ARFIP1: variants seen among roughly 807,000 people sequenced by gnomAD.
ARFIP1 encodes arfaptin-1.
Under a neutral mutation model 42.5 loss-of-function variants are expected in ARFIP1, and 24 were observed. That is an observed-to-expected ratio of 0.57 (90% CI 0.41 to 0.80). ARFIP1 has a LOEUF of 0.80. Ranked by LOEUF, ARFIP1 falls within the 30% of genes least tolerant of loss-of-function variation. The pLI is 0.00. For synonymous variants in ARFIP1, 141 were observed against 153.7 expected, an observed-to-expected ratio of 0.92 and a Z score of 0.61; for missense variants, 354 against 434.0, an observed-to-expected ratio of 0.82 and a Z score of 1.64.
chr4:152,804,722 C>G (rs915457278), intron 1 of ARFIP1, among the ~76,000 whole-genome samples: 1 of 150,762 alleles, frequency 6.6e-6, no homozygotes, highest in African/African-American at 2.4e-5. Context: ...GTACCTAGGT[C>G]AGAGATTTGT....
At chr4:152,880,291 C>T (rs1413771995) in intron 5 of ARFIP1, among the ~76,000 whole-genome samples, 4 of 151,092 alleles carry the variant, frequency 2.6e-5, no homozygotes, top group East Asian at 3.9e-4. Context: ...TGCAGTGAGC[C>T]GAGATTGGAC....
intron 8 of ARFIP1, among the ~76,000 whole-genome samples, chr4:152,898,481 G>A (rs1207868408): frequency 1.3e-5 from 2 of 151,938 alleles, no homozygotes; most frequent in African/African-American, 2.4e-5. Flanking sequence ...TTTCAAAGAT[G>A]CTTTTTTAAA....
intron 2 of ARFIP1, among the ~76,000 whole-genome samples, chr4:152,831,638 A>G (rs1472376510): frequency 6.6e-6 from 1 of 152,196 alleles, no homozygotes; most frequent in African/African-American, 2.4e-5. Context: ...CTATAATCAT[A>G]AATTGCTTTT....
At chr4:152,902,749 G>A (rs1488218519) in intron 8 of ARFIP1, among the ~76,000 whole-genome samples, 1 of 152,104 alleles carries the variant, frequency 6.6e-6, no homozygotes, top group Non-Finnish European at 1.5e-5. Flanking sequence ...GAACATTTTG[G>A]CTTTTTGTCC....
intron 1 of ARFIP1, among the ~76,000 whole-genome samples, chr4:152,791,132 A>G (rs1181967217): frequency 6.6e-6 from 1 of 152,130 alleles, no homozygotes; most frequent in Non-Finnish European, 1.5e-5. Context: ...CAGATACCAG[A>G]TAGTTGTTAA....
chr4:152,908,279 G>A (rs1738535607), intron 8 of ARFIP1, among the ~76,000 whole-genome samples: 1 of 152,082 alleles, frequency 6.6e-6, no homozygotes. Context: ...CCAGTATGTA[G>A]CTTATCTTTT....
Position 152,911,241 on chromosome 4 carries a change from A to G in ARFIP1, c.*1022A>G, listed in dbSNP as rs1430431415. On this transcript the variant is annotated 3_prime_UTR_variant, in exon 9 of 9. Transcript: ENST00000353617. ...CCTTCCATGGAATGGAGCACTATGT[A>G]TGAATGTTGGGTTTCTTTGTACTTG... 1 of 152,658 alleles carries G rather than the reference A, an allele frequency of 6.6e-6. No homozygotes were observed. Among genetic ancestry groups the G allele is most frequent in the African/African-American group, 2.4e-5 (1 of 41,462 alleles). The allele number at this position is 152,658 out of a possible 1,614,324, so 9.5% of individuals were successfully genotyped here.
intron 1 of ARFIP1, among the ~76,000 whole-genome samples, chr4:152,787,928 T>C (rs927997034): frequency 2.6e-5 from 4 of 152,224 alleles, no homozygotes; most frequent in African/African-American, 9.6e-5. Flanking sequence ...TTCAAGTGTA[T>C]GGAAATAAAT....
chr4:152,817,363 AG>A (rs1252660272), intron 1 of ARFIP1, among the ~76,000 whole-genome samples: 5 of 152,248 alleles, frequency 3.3e-5, no homozygotes, highest in Non-Finnish European at 7.3e-5. Flanking sequence ...AAATGGAGAC[AG>A]GATAGTCTCT....
At chr4:152,805,710 A>G (rs1394456051) in intron 1 of ARFIP1, among the ~76,000 whole-genome samples, 1 of 152,254 alleles carries the variant, frequency 6.6e-6, no homozygotes, top group East Asian at 1.9e-4. Flanking sequence ...TCATATGTCA[A>G]GCGCTCTTCT....
At chr4:152,882,901 G>A (rs1735959997) in intron 7 of ARFIP1, 21 bp downstream of exon 7, 2 of 1,586,638 alleles carry the variant, frequency 1.3e-6, no homozygotes, top group African/African-American at 2.7e-5. Context: ...CATTTTCACT[G>A]TGTTGTCTGT....
chr4:152,885,488 G>A (rs1228250979), intron 7 of ARFIP1, among the ~76,000 whole-genome samples: 6 of 151,818 alleles, frequency 4.0e-5, no homozygotes, highest in African/African-American at 9.7e-5. Flanking sequence ...TAAAGTAACC[G>A]TCACTAACTT....
chr4:152,798,354 T>C (rs530425140), intron 1 of ARFIP1, among the ~76,000 whole-genome samples: 2 of 152,326 alleles, frequency 1.3e-5, no homozygotes, highest in Non-Finnish European at 2.9e-5. Flanking sequence ...ATTAAATAAT[T>C]TAATGGTTGT....
At chr4:152,866,670 G>A (rs1156976862) in intron 3 of ARFIP1, among the ~76,000 whole-genome samples, 3 of 152,108 alleles carry the variant, frequency 2.0e-5, no homozygotes, top group East Asian at 3.9e-4. Flanking sequence ...CGGGGTGGCT[G>A]CCAGGCGGAG....
chr4:152,802,528 ATAG>A (rs1728506672), intron 1 of ARFIP1, among the ~76,000 whole-genome samples: 1 of 152,198 alleles, frequency 6.6e-6, no homozygotes, highest in Non-Finnish European at 1.5e-5. Flanking sequence ...CTTTAAAAAA[ATAG>A]TAGATTTAAG....
intron 2 of ARFIP1, 93 bp downstream of exon 2, chr4:152,829,819 G>A (rs905091528): frequency 3.0e-6 from 3 of 1,016,374 alleles, no homozygotes; most frequent in Non-Finnish European, 4.2e-6. Context: ...ATATAGGATT[G>A]TTTTCTTAGA....
intron 1 of ARFIP1, among the ~76,000 whole-genome samples, chr4:152,803,727 G>T (rs1728605173): frequency 6.6e-6 from 1 of 151,942 alleles, no homozygotes; most frequent in Non-Finnish European, 1.5e-5. Context: ...GGAGTAGGAG[G>T]TTCCTGGATG....
At chr4:152,808,839 C>CACTTTGGGAGGGAG (rs1729219265) in intron 1 of ARFIP1, among the ~76,000 whole-genome samples, 7 of 152,268 alleles carry the variant, frequency 4.6e-5, no homozygotes, top group Middle Eastern at 6.8e-3. Flanking sequence ...GAGGCCGAGG[C>CACTTTGGGAGGGAG]ATGCAGATCA....
intron 1 of ARFIP1, among the ~76,000 whole-genome samples, chr4:152,801,427 A>G (rs563489925): frequency 5.3e-5 from 8 of 152,162 alleles, no homozygotes; most frequent in African/African-American, 9.7e-5. Flanking sequence ...GTCAGGAAAG[A>G]TGGAAAGGAA....
Sources: gnomAD v4.1 joint callset for allele counts (sites outside exome capture counted in the v4.1 genomes callset) on GRCh38, gnomAD v4.1.1 for gene constraint, MANE v1.5 for transcripts, NCBI Gene and HGNC (gene_info 2026-07-23, HGNC 2026-07-21) for gene names.